Variants in VPS13B observed in about 807,000 individuals in gnomAD.
VPS13B encodes the protein vacuolar protein sorting 13 homolog B.
VPS13B carries 285 observed loss-of-function variants against 426.4 expected under a neutral mutation model. The ratio of observed to expected loss-of-function variants is 0.67; its 90% CI spans 0.61 to 0.74. The LOEUF is 0.74. Among genes scored for constraint, VPS13B ranks in the 30% least tolerant of loss-of-function variants. The probability of loss-of-function intolerance (pLI) is 0.00; values close to 1 mark genes in which losing one functional copy is unlikely to be tolerated. For missense variants in VPS13B, 4,537 were observed against 4,782.6 expected (o/e 0.95, Z 1.51); for synonymous variants, 1,676 against 1,676.4 (o/e 1.00, Z 0.01).
At chr8:99,770,275 T>A (rs563457969) in intron 40 of VPS13B, among the ~76,000 whole-genome samples, 59 of 152,350 alleles carry the variant, frequency 3.9e-4, no homozygotes, top group African/African-American at 1.4e-3. Flanking sequence ...TTTATAGTAC[T>A]GACCTTTGAA....
At chr8:99,212,135 C>T (rs1189254458) in intron 17 of VPS13B, among the ~76,000 whole-genome samples, 2 of 152,224 alleles carry the variant, frequency 1.3e-5, no homozygotes, top group African/African-American at 4.8e-5. Context: ...TCAATTGATC[C>T]GCCCGCCTTG....
At chr8:99,086,946 C>T (rs1476275525) in intron 3 of VPS13B, among the ~76,000 whole-genome samples, 4 of 152,146 alleles carry the variant, frequency 2.6e-5, no homozygotes, top group African/African-American at 9.7e-5. Flanking sequence ...CTCAGATCTG[C>T]AGCTGTGTGC....
chr8:99,250,421 A>G (rs1255982696), intron 17 of VPS13B, among the ~76,000 whole-genome samples: 2 of 152,072 alleles, frequency 1.3e-5, no homozygotes, highest in African/African-American at 4.8e-5. Flanking sequence ...TAAGATTAAG[A>G]ACTCTCTGCC....
chr8:99,305,291 C>G (rs954695604), intron 19 of VPS13B, among the ~76,000 whole-genome samples: 5 of 151,784 alleles, frequency 3.3e-5, no homozygotes, highest in African/African-American at 1.2e-4. Context: ...AAAAAACAAC[C>G]AATAAAAATA....
chr8:99,255,900 G>A (rs1295691686), intron 17 of VPS13B, among the ~76,000 whole-genome samples: 1 of 152,126 alleles, frequency 6.6e-6, no homozygotes, highest in Non-Finnish European at 1.5e-5. Flanking sequence ...CTTCTCTTTA[G>A]CCTAGTCTTA....
At chr8:99,767,712 T>G (rs1241458128) in intron 40 of VPS13B, among the ~76,000 whole-genome samples, 1 of 152,126 alleles carries the variant, frequency 6.6e-6, no homozygotes, top group Non-Finnish European at 1.5e-5. Flanking sequence ...GTAGACTGCT[T>G]GAGCCCATGA....
At chr8:99,294,567 T>A (rs1450520463) in intron 19 of VPS13B, among the ~76,000 whole-genome samples, 3 of 151,504 alleles carry the variant, frequency 2.0e-5, no homozygotes, top group Non-Finnish European at 4.4e-5. Context: ...AAAATAAAAA[T>A]AAAAAAAGAA....
chr8:99,491,478 C>T (rs574379874), intron 25 of VPS13B, among the ~76,000 whole-genome samples: 20 of 152,300 alleles, frequency 1.3e-4, no homozygotes, highest in Non-Finnish European at 2.8e-4. Context: ...TTCCATTTTC[C>T]CCATACCTTT....
At chr8:99,014,069 C>G (rs1841462290) in intron 2 of VPS13B, 134 bp downstream of exon 2, 5 of 664,834 alleles carry the variant, frequency 7.5e-6, no homozygotes, top group African/African-American at 3.8e-5. Flanking sequence ...TACCCTGAAA[C>G]AAGGGGGCTT....
chr8:99,225,357 G>T (rs1815959696), intron 17 of VPS13B, among the ~76,000 whole-genome samples: 1 of 151,804 alleles, frequency 6.6e-6, no homozygotes, highest in South Asian at 2.1e-4. Context: ...TCAGCTCACT[G>T]CAAGGTTCGC....
intron 54 of VPS13B, among the ~76,000 whole-genome samples, chr8:99,846,449 A>G (rs560757889): frequency 4.6e-4 from 70 of 152,206 alleles, no homozygotes; most frequent in Non-Finnish European, 8.4e-4. Context: ...TTAGACCAAG[A>G]TAAGGATTTA....
rs115187795 is a variant in VPS13B, at chr8:99,840,180, G to A, written c.9942+4442G>A. 6.4e-3 allele frequency among the ~76,000 whole-genome samples: 980 copies of A among 152,294 alleles called. 12 individuals are homozygous for A. The highest frequency in any genetic ancestry group is 0.022 in the African/African-American group (935 of 41,562). On this transcript the variant is annotated intron_variant, in intron 54 of 61. Coordinates refer to ENST00000357162, the MANE Select transcript of VPS13B (RefSeq NM_152564.5). Reference sequence around the variant, plus strand: ...GTCTAACCAGCTATTAACTCCCTATGCTTCCATTAATAAAGTAAAAGATAG... The same window carrying A: ...GTCTAACCAGCTATTAACTCCCTATACTTCCATTAATAAAGTAAAAGATAG...
At chr8:99,328,372 T>TA (rs1810388350) in intron 19 of VPS13B, among the ~76,000 whole-genome samples, 1 of 152,180 alleles carries the variant, frequency 6.6e-6, no homozygotes, top group Admixed American at 6.5e-5. Flanking sequence ...GTGGGAGTTT[T>TA]AAAAAAATTC....
At chr8:99,044,210 G>T (rs1318875494) in intron 3 of VPS13B, among the ~76,000 whole-genome samples, 105 of 150,102 alleles carry the variant, frequency 7.0e-4, no homozygotes, top group African/African-American at 2.5e-3. Context: ...CAGCCTCTGG[G>T]GTAGCTGGGG....
chr8:99,535,524 T>G (rs2133706527), intron 30 of VPS13B, among the ~76,000 whole-genome samples: 1 of 152,328 alleles, frequency 6.6e-6, no homozygotes, highest in East Asian at 1.9e-4. Context: ...GCATTCTACA[T>G]TGAGAAAGGT....
At chr8:99,688,380 G>A (rs1482885064) in intron 35 of VPS13B, among the ~76,000 whole-genome samples, 1 of 151,902 alleles carries the variant, frequency 6.6e-6, no homozygotes, top group Admixed American at 6.6e-5. Flanking sequence ...GGGACTGGAT[G>A]GAATGCTGGA....
rs926556204 is a variant in VPS13B, at chr8:99,854,205, C to A, written c.10816C>A (p.Leu3606Ile). ...RGPIFTTARQ[L>I]VHALAMHYAA... Reference sequence around the variant, plus strand: ...ACCCATCTTCACCACTGCGAGGCAGCTTGTGCACGCCCTGGCAATGCACTA... The same window carrying A: ...ACCCATCTTCACCACTGCGAGGCAGATTGTGCACGCCCTGGCAATGCACTA... Residue 3606 changes from leucine to isoleucine, a missense_variant, in exon 56 of 62, where the codon CTT becomes ATT. Coordinates refer to ENST00000357162, the MANE Select transcript of VPS13B (RefSeq NM_152564.5). The A allele has an allele frequency of 6.2e-7, 1 of 1,614,102 alleles. No individual in the cohort carries two copies. The highest frequency in any genetic ancestry group is 8.5e-7 in the Non-Finnish European group (1 of 1,180,034).
At chr8:99,531,161 C>T (rs1046490244) in intron 30 of VPS13B, among the ~76,000 whole-genome samples, 2 of 152,086 alleles carry the variant, frequency 1.3e-5, no homozygotes, top group African/African-American at 4.8e-5. Flanking sequence ...ATAATGAAAA[C>T]ATTTATAATC....
chr8:99,140,289 C>T (rs545498090), intron 12 of VPS13B, among the ~76,000 whole-genome samples: 20 of 147,718 alleles, frequency 1.4e-4, no homozygotes, highest in East Asian at 2.0e-4. Flanking sequence ...CACTTGAAAC[C>T]GGAAGGTGGA....
Sources: gnomAD v4.1 joint callset for allele counts (sites outside exome capture counted in the v4.1 genomes callset) on GRCh38, gnomAD v4.1.1 for gene constraint, MANE v1.5 for transcripts, NCBI Gene and HGNC (gene_info 2026-07-23, HGNC 2026-07-21) for gene names.